Variants in DYRK1A observed in about 807,000 individuals in gnomAD.
DYRK1A encodes dual specificity tyrosine-phosphorylation-regulated kinase 1A.
DYRK1A carries 9 observed loss-of-function variants against 79.7 expected under a neutral mutation model. The observed-to-expected ratio is 0.11, with a 90% CI of 0.07 to 0.20. The LOEUF is 0.20. Ranked by LOEUF, DYRK1A falls within the 10% of genes least tolerant of loss-of-function variation. DYRK1A has a pLI of 1.00. For missense variants in DYRK1A, 622 were observed against 956.0 expected, an observed-to-expected ratio of 0.65 and a Z score of 4.61; for synonymous variants, 349 against 329.7, an observed-to-expected ratio of 1.06 and a Z score of -0.63.
intron 1 of DYRK1A, among the ~76,000 whole-genome samples, chr21:37,403,613 G>A (rs2050091770): frequency 6.9e-6 from 1 of 145,296 alleles, no homozygotes; most frequent in African/African-American, 2.6e-5. Flanking sequence ...CTACAGGTGT[G>A]CCCCACTATG....
chr21:37,488,180 A>G (rs2052941625), intron 6 of DYRK1A: 1 of 187,250 alleles, frequency 5.3e-6, no homozygotes, highest in African/African-American at 2.4e-5. Flanking sequence ...ATTAATGATC[A>G]TATTATTAAT....
At chr21:37,499,492 C>T (rs1240709768) in intron 9 of DYRK1A, among the ~76,000 whole-genome samples, 7 of 152,134 alleles carry the variant, frequency 4.6e-5, no homozygotes, top group Non-Finnish European at 7.4e-5. Flanking sequence ...ATTTGGGTTG[C>T]AGTTGGGATT....
At chr21:37,454,327 C>G (rs1160745805) in intron 2 of DYRK1A, among the ~76,000 whole-genome samples, 1 of 152,032 alleles carries the variant, frequency 6.6e-6, no homozygotes, top group Admixed American at 6.6e-5. Flanking sequence ...CTCCTGGGCT[C>G]AAACCATCCT....
chr21:37,390,417 A>C (rs968093226), intron 1 of DYRK1A, among the ~76,000 whole-genome samples: 1 of 152,212 alleles, frequency 6.6e-6, no homozygotes, highest in Non-Finnish European at 1.5e-5. Context: ...CTTACATAAC[A>C]GCAATACAGC....
chr21:37,512,345 G>C lies in DYRK1A; in HGVS notation c.2079G>C (p.Leu693Phe). The change falls in exon 12 of 12, where the codon TTG (leucine) becomes TTC (phenylalanine). Residue 693 changes from leucine to phenylalanine, a missense_variant. Transcript: ENST00000647188. The part of the protein sequence containing the change: ...FGQNGAMDVN[L>F]TVYSNPRQET... The stretch of plus-strand genomic sequence containing the variant: ...AGAATGGAGCTATGGACGTTAATTT[G>C]ACCGTCTACTCCAATCCCCGCCAAG... 1.9e-6 allele frequency: 3 copies of C among 1,614,178 alleles called. No homozygotes were observed. The highest frequency in any genetic ancestry group is 2.5e-6 in the Non-Finnish European group (3 of 1,180,038).
At chr21:37,403,648 A>AT (rs1407168361) in intron 1 of DYRK1A, among the ~76,000 whole-genome samples, 2,141 of 84,474 alleles carry the variant, frequency 0.025, 36 homozygotes, top group East Asian at 0.062. Flanking sequence ...AAAAAAAAAA[A>AT]ATATATATAT....
chr21:37,378,339 C>T (rs2049589120), intron 1 of DYRK1A, among the ~76,000 whole-genome samples: 1 of 152,158 alleles, frequency 6.6e-6, no homozygotes, highest in Non-Finnish European at 1.5e-5. Flanking sequence ...TTGAGACGAC[C>T]CTGACCGACA....
intron 5 of DYRK1A, among the ~76,000 whole-genome samples, chr21:37,485,620 T>C (rs1325431802): frequency 6.6e-6 from 1 of 152,238 alleles, no homozygotes; most frequent in Non-Finnish European, 1.5e-5. Context: ...GAATTACTTA[T>C]TCAGACAATG....
Position 37,392,947 on chromosome 21 carries a change from A to G in DYRK1A, c.-77+25319A>G, listed in dbSNP as rs571236364. ...GTCCTCACAAGGCAGAACGTGAAAG[A>G]GCAGAAGAGACCAAACTTCCTCTGT... On this transcript the variant is annotated intron_variant, in intron 1 of 11. Transcript: ENST00000647188. Among the ~76,000 whole-genome samples, 4 of 152,354 alleles carry G rather than the reference A, an allele frequency of 2.6e-5. No individual in the cohort carries two copies. In the South Asian group the frequency reaches 8.3e-4, roughly 32 times the overall value.
At chr21:37,480,566 A>C in intron 4 of DYRK1A, 72 bp from the exon 5 acceptor site, 1 of 1,223,062 alleles carries the variant, frequency 8.2e-7, no homozygotes, top group South Asian at 1.6e-5. Flanking sequence ...GGTGTGTGTC[A>C]ATATACTCTG....
At chr21:37,499,047 C>T (rs569125759) in intron 9 of DYRK1A, among the ~76,000 whole-genome samples, 1 of 152,154 alleles carries the variant, frequency 6.6e-6, no homozygotes, top group South Asian at 2.1e-4. Context: ...CAGTGTATTT[C>T]CCTAGACTGT....
chr21:37,517,389 T>A lies in DYRK1A; in HGVS notation c.*4858T>A, dbSNP rs2053891858. 6.6e-6 allele frequency: 1 copy of A among 152,220 alleles called. No individual in the cohort carries two copies. The allele number at this position is 152,220 out of a possible 1,614,324, so 9.4% of individuals were successfully genotyped here. ...GCCGTGTAGGTATAAGTGCTTAATG[T>A]TTCATCTGTCTGAAAGACCAGCTAT... On this transcript the variant is annotated 3_prime_UTR_variant, in exon 12 of 12. Transcript: ENST00000647188.
rs74339969 is a variant in DYRK1A at position 37,465,837 on chromosome 21, A to C, written c.11-6847A>C. ...GGGTAACAGCGCAAGACTCTGTCTC[A>C]GAAAAAAAAAAGGAAATGTTGACTT... On this transcript the variant is annotated intron_variant, in intron 2 of 11. Transcript: ENST00000647188. Among the ~76,000 whole-genome samples, 7 of 152,160 alleles carry C rather than the reference A, an allele frequency of 4.6e-5. No individual in the cohort carries two copies. In the East Asian group the frequency reaches 1.2e-3, roughly 25 times the overall value.
rs2053926971 is a variant in DYRK1A, at chr21:37,520,466, A to G, written c.*7935A>G. 6.6e-6 allele frequency: 1 copy of G among 152,220 alleles called. No individual in the cohort carries two copies. Among genetic ancestry groups the G allele is most frequent in the Non-Finnish European group, 1.5e-5 (1 of 68,046 alleles). The allele number at this position is 152,220 out of a possible 1,614,324, so 9.4% of individuals were successfully genotyped here. A position where few individuals can be genotyped will look rare whatever the true frequency, so the allele number is the denominator to read the frequency against. On this transcript the variant is annotated 3_prime_UTR_variant, in exon 12 of 12. Coordinates refer to ENST00000647188, the MANE Select transcript of DYRK1A (RefSeq NM_001347721.2). The stretch of plus-strand genomic sequence containing the variant: ...ACTTTGTTGATAATATTAGGTGACT[A>G]CATCGAGCCTGGGTTCTCTCAGTAT...
In DYRK1A at chr21:37,513,781, A is replaced by C. The variant is rs533796122; in HGVS notation, c.*1250A>C. 6.5e-6 allele frequency: 1 copy of C among 152,784 alleles called. No homozygotes were observed. The highest frequency in any genetic ancestry group is 1.9e-4 in the East Asian group (1 of 5,190). The allele number at this position is 152,784 out of a possible 1,614,324, so 9.5% of individuals were successfully genotyped here. A position where few individuals can be genotyped will look rare whatever the true frequency, so the allele number is the denominator to read the frequency against. On this transcript the variant is annotated 3_prime_UTR_variant, in exon 12 of 12. Coordinates refer to ENST00000647188, the MANE Select transcript of DYRK1A (RefSeq NM_001347721.2). ...TTTTTGCCTCACAATTATGCTGTGA[A>C]TTTTACAAAAATTTATTTTCTTTTT...
chr21:37,417,227 G>A (rs1429240769), intron 1 of DYRK1A, among the ~76,000 whole-genome samples: 1 of 151,928 alleles, frequency 6.6e-6, no homozygotes, highest in African/African-American at 2.4e-5. Context: ...TTTCCCTCTT[G>A]TTGCCCAGGC....
chr21:37,522,458 C>G lies in DYRK1A; in HGVS notation c.*9927C>G, dbSNP rs1228885120. 6.6e-6 allele frequency: 1 copy of G among 152,382 alleles called. No individual in the cohort carries two copies. Among genetic ancestry groups the G allele is most frequent in the East Asian group, 1.9e-4 (1 of 5,178 alleles). 9.4% of individuals were successfully genotyped at this position (152,382 alleles called of 1,614,324 possible). A position where few individuals can be genotyped will look rare whatever the true frequency, so the allele number is the denominator to read the frequency against. On this transcript the variant is annotated 3_prime_UTR_variant, in exon 12 of 12. Transcript: ENST00000647188. ...AGTTCTCCACGCTGACCTTGACTTT[C>G]GAGATCACATACCAAGACCTTCAGC...
chr21:37,417,857 G>A (rs924962821), intron 1 of DYRK1A, among the ~76,000 whole-genome samples: 1 of 152,128 alleles, frequency 6.6e-6, no homozygotes, highest in Non-Finnish European at 1.5e-5. Context: ...ACATACTGTA[G>A]AAGATTTGAG....
At chr21:37,471,330 A>G (rs2052217340) in intron 2 of DYRK1A, among the ~76,000 whole-genome samples, 1 of 152,166 alleles carries the variant, frequency 6.6e-6, no homozygotes, top group African/African-American at 2.4e-5. Context: ...TGCGTAGGAA[A>G]TGGTGTCATT....
Sources: gnomAD v4.1 joint callset for allele counts (sites outside exome capture counted in the v4.1 genomes callset) on GRCh38, gnomAD v4.1.1 for gene constraint, MANE v1.5 for transcripts, NCBI Gene and HGNC (gene_info 2026-07-23, HGNC 2026-07-21) for gene names.